Variants in CNTNAP2 observed in about 807,000 individuals in gnomAD.
CNTNAP2 encodes the protein contactin-associated protein-like 2.
In CNTNAP2, 98 loss-of-function variants were observed where a neutral mutation model predicts 155.2. That is an observed-to-expected ratio of 0.63 (90% CI 0.54 to 0.75). The LOEUF is 0.75. Among genes scored for constraint, CNTNAP2 ranks in the 30% least tolerant of loss-of-function variants. The pLI, the probability that CNTNAP2 is intolerant of heterozygous loss-of-function variation, is 0.00. For synonymous variants in CNTNAP2, 651 were observed against 631.2 expected (o/e 1.03, Z -0.47); for missense variants, 1,727 against 1,688.1 (o/e 1.02, Z -0.40).
intron 15 of CNTNAP2, among the ~76,000 whole-genome samples, chr7:148,112,020 G>A (rs1054398358): frequency 1.3e-5 from 2 of 152,182 alleles, no homozygotes; most frequent in African/African-American, 4.8e-5. Context: ...CAGGACAAGG[G>A]CTGTGCAGGA....
At chr7:146,769,711 T>A (rs1802259920) in intron 1 of CNTNAP2, among the ~76,000 whole-genome samples, 1 of 151,998 alleles carries the variant, frequency 6.6e-6, no homozygotes. Flanking sequence ...TTATACTGGA[T>A]AAGAGGTTTG....
In CNTNAP2 at chr7:146,811,328, T is replaced by G. The variant is rs190133175; in HGVS notation, c.209-28383T>G. Among the ~76,000 whole-genome samples, 213 of 152,280 alleles carry G rather than the reference T, an allele frequency of 1.4e-3. 1 individual carries two copies. The highest frequency in any genetic ancestry group is 4.8e-3 in the African/African-American group (201 of 41,580). On this transcript the variant is annotated intron_variant, in intron 2 of 23. Coordinates refer to ENST00000361727, the MANE Select transcript of CNTNAP2 (RefSeq NM_014141.6). Reference sequence around the variant, plus strand: ...ATTTAATCTCTTTACTTGTTATTGATCTCAAATAGCCTATTTCTTTATGAT... The same window carrying G: ...ATTTAATCTCTTTACTTGTTATTGAGCTCAAATAGCCTATTTCTTTATGAT...
intron 1 of CNTNAP2, among the ~76,000 whole-genome samples, chr7:146,323,823 T>G (rs1801048509): frequency 6.6e-6 from 1 of 152,178 alleles, no homozygotes; most frequent in Non-Finnish European, 1.5e-5. Flanking sequence ...ATAGAGTTCC[T>G]TATTTCATAA....
intron 14 of CNTNAP2, among the ~76,000 whole-genome samples, chr7:147,907,785 C>T (rs935257714): frequency 6.7e-6 from 1 of 149,374 alleles, no homozygotes; most frequent in Non-Finnish European, 1.5e-5. Context: ...AATTTATTTT[C>T]TTTATTTATT....
chr7:148,294,854 A>G (rs1797254543), intron 21 of CNTNAP2, among the ~76,000 whole-genome samples: 1 of 152,196 alleles, frequency 6.6e-6, no homozygotes, highest in African/African-American at 2.4e-5. Context: ...AAGTATTTGC[A>G]TATTTTATTA....
chr7:148,295,633 C>A (rs28645142), intron 21 of CNTNAP2, among the ~76,000 whole-genome samples: 26,913 of 106,080 alleles, frequency 0.25, 5,053 homozygotes, highest in African/African-American at 0.37. Flanking sequence ...CTGGGACTAC[C>A]GGTGCCCGCC....
chr7:147,128,738 A>C lies in CNTNAP2; in HGVS notation c.985A>C (p.Ser329Arg). The C allele has an allele frequency of 6.2e-7, 1 of 1,614,100 alleles. No individual in the cohort carries two copies. Among genetic ancestry groups the C allele is most frequent in the Non-Finnish European group, 8.5e-7 (1 of 1,179,966 alleles). The change falls in exon 7 of 24, where the codon AGT becomes CGT. Residue 329 changes from serine (S) to arginine (R), a missense_variant. Coordinates refer to ENST00000361727, the MANE Select transcript of CNTNAP2 (RefSeq NM_014141.6). ...IPFSGKPSSS[S>R]RKNFKGCMES... ...TTTCTCTGGCAAGCCCAGCTCCAGCAGTAGAAAGAATTTCAAAGGCTGCAT... is the reference window on the plus strand; with the variant it reads ...TTTCTCTGGCAAGCCCAGCTCCAGCCGTAGAAAGAATTTCAAAGGCTGCAT...
At chr7:147,521,075 G>A (rs1799222469) in intron 11 of CNTNAP2, among the ~76,000 whole-genome samples, 1 of 152,176 alleles carries the variant, frequency 6.6e-6, no homozygotes, top group Admixed American at 6.5e-5. Context: ...TCCAGATTAA[G>A]TCAAAAATGC....
intron 1 of CNTNAP2, among the ~76,000 whole-genome samples, chr7:146,410,909 T>C (rs1056476360): frequency 3.9e-5 from 6 of 152,168 alleles, no homozygotes; most frequent in East Asian, 1.9e-4. Context: ...CATAATGTCC[T>C]TCAGGTTTAT....
At chr7:146,810,272 A>T (rs1803039992) in intron 2 of CNTNAP2, among the ~76,000 whole-genome samples, 1 of 142,292 alleles carries the variant, frequency 7.0e-6, no homozygotes, top group African/African-American at 2.6e-5. Context: ...ATAGTTTGAA[A>T]TTCGGAAGTG....
intron 1 of CNTNAP2, among the ~76,000 whole-genome samples, chr7:146,121,889 C>G (rs954111117): frequency 6.6e-6 from 1 of 152,096 alleles, no homozygotes. Context: ...TGTTAATTTT[C>G]AAATGAAAGC....
intron 19 of CNTNAP2, among the ~76,000 whole-genome samples, chr7:148,219,232 G>A (rs77982180): frequency 0.14 from 21,340 of 152,080 alleles, 1,759 homozygotes; most frequent in Admixed American, 0.22. Context: ...GAACCACTGC[G>A]TCAGCCCTAA....
intron 3 of CNTNAP2, among the ~76,000 whole-genome samples, chr7:146,843,098 C>T (rs1426833817): frequency 8.5e-6 from 1 of 118,224 alleles, no homozygotes; most frequent in Non-Finnish European, 1.7e-5. Flanking sequence ...CTGCAAGCTC[C>T]GCTTCCCAGG....
chr7:148,356,242 A>G (rs1046906643), intron 21 of CNTNAP2, among the ~76,000 whole-genome samples: 36 of 152,204 alleles, frequency 2.4e-4, no homozygotes, highest in Admixed American at 2.2e-3. Context: ...AAGACACAGC[A>G]TTGATTTCCT....
intron 1 of CNTNAP2, among the ~76,000 whole-genome samples, chr7:146,312,063 C>G (rs1410766260): frequency 6.6e-6 from 1 of 152,114 alleles, no homozygotes; most frequent in Non-Finnish European, 1.5e-5. Context: ...CCCAACCTAT[C>G]CAGCGTTTTT....
chr7:147,072,574 C>T (rs902245802), intron 4 of CNTNAP2, among the ~76,000 whole-genome samples: 15 of 151,932 alleles, frequency 9.9e-5, no homozygotes, highest in African/African-American at 3.6e-4. Flanking sequence ...ATGGTGGTAG[C>T]AGAGTGGAAA....
chr7:146,156,226 A>G (rs1409571467), intron 1 of CNTNAP2, among the ~76,000 whole-genome samples: 1 of 152,190 alleles, frequency 6.6e-6, no homozygotes, highest in Non-Finnish European at 1.5e-5. Context: ...TATGTTATGT[A>G]CCATAGTAGT....
At chr7:148,312,433 C>G in intron 21 of CNTNAP2, among the ~76,000 whole-genome samples, 1 of 152,060 alleles carries the variant, frequency 6.6e-6, no homozygotes, top group Non-Finnish European at 1.5e-5. Context: ...GCAGTACAGC[C>G]CAGGTAATTT....
chr7:147,903,765 T>C, intron 14 of CNTNAP2, 44 bp downstream of exon 14: 3 of 1,604,944 alleles, frequency 1.9e-6, no homozygotes, highest in Non-Finnish European at 2.6e-6. Flanking sequence ...CCTCCCAGTG[T>C]GCCTTTGTGT....
Sources: allele counts gnomAD v4.1 joint callset (sites outside exome capture counted in the v4.1 genomes callset), GRCh38; gene constraint gnomAD v4.1.1; transcripts MANE v1.5; gene names NCBI Gene and HGNC (gene_info 2026-07-23, HGNC 2026-07-21).